DLG2: variants seen among roughly 807,000 people sequenced by gnomAD.
The protein encoded by DLG2 is discs large MAGUK scaffold protein 2.
DLG2 carries 45 observed loss-of-function variants against 132.5 expected under a neutral mutation model. That is an observed-to-expected ratio of 0.34 (90% CI 0.27 to 0.44). DLG2 has a LOEUF of 0.44. Ranked by LOEUF, DLG2 falls within the 20% of genes least tolerant of loss-of-function variation. The probability of loss-of-function intolerance (pLI) is 1.00; values close to 1 mark genes in which losing one functional copy is unlikely to be tolerated. For synonymous variants in DLG2, 424 were observed against 419.6 expected (o/e 1.01, Z -0.13); for missense variants, 1,045 against 1,196.9 (o/e 0.87, Z 1.87).
At chr11:84,562,818 T>C (rs1418503292) in intron 6 of DLG2, among the ~76,000 whole-genome samples, 2 of 151,712 alleles carry the variant, frequency 1.3e-5, no homozygotes, top group Non-Finnish European at 2.9e-5. Flanking sequence ...GGTACGAACA[T>C]GGCTCCCTGC....
At chr11:85,504,123 G>C (rs2093871889) in intron 3 of DLG2, among the ~76,000 whole-genome samples, 1 of 152,204 alleles carries the variant, frequency 6.6e-6, no homozygotes, top group Non-Finnish European at 1.5e-5. Flanking sequence ...CTCTTTGTCA[G>C]ATGGGTAGAT....
chr11:84,387,028 A>C (rs879777159), intron 7 of DLG2, among the ~76,000 whole-genome samples: 3 of 151,874 alleles, frequency 2.0e-5, no homozygotes, highest in Non-Finnish European at 1.5e-5. Context: ...ATTTAAATTG[A>C]TTACTCTCCA....
chr11:84,687,918 A>T (rs1336715569), intron 6 of DLG2, among the ~76,000 whole-genome samples: 1 of 152,188 alleles, frequency 6.6e-6, no homozygotes, highest in Non-Finnish European at 1.5e-5. Context: ...TCAGATGCAA[A>T]TAAAATACCA....
At chr11:84,422,400 T>C (rs1049081947) in intron 7 of DLG2, among the ~76,000 whole-genome samples, 3 of 152,326 alleles carry the variant, frequency 2.0e-5, no homozygotes, top group East Asian at 1.9e-4. Context: ...TAAAATTTAT[T>C]TGATTGTAAG....
intron 6 of DLG2, among the ~76,000 whole-genome samples, chr11:85,091,649 A>G (rs761343059): frequency 1.3e-5 from 2 of 152,218 alleles, no homozygotes; most frequent in Non-Finnish European, 2.9e-5. Context: ...CGTGTCTACA[A>G]TGTTCACATC....
chr11:83,646,602 C>T (rs1304859530), intron 18 of DLG2: 1 of 152,444 alleles, frequency 6.6e-6, no homozygotes, highest in Admixed American at 6.5e-5. Flanking sequence ...AGCACTCAGC[C>T]TCCTCTGGAT....
At chr11:84,741,360 G>A (rs868121217) in intron 6 of DLG2, among the ~76,000 whole-genome samples, 4 of 152,116 alleles carry the variant, frequency 2.6e-5, no homozygotes, top group South Asian at 2.1e-4. Flanking sequence ...GGCCGCCTAT[G>A]CTCTTAATAA....
intron 6 of DLG2, among the ~76,000 whole-genome samples, chr11:84,612,990 A>G (rs1049979631): frequency 6.6e-6 from 1 of 152,190 alleles, no homozygotes; most frequent in Non-Finnish European, 1.5e-5. Flanking sequence ...AATGGGGTAC[A>G]CAGTTGGAAC....
At chr11:84,681,611 T>C (rs574194060) in intron 6 of DLG2, among the ~76,000 whole-genome samples, 1 of 152,024 alleles carries the variant, frequency 6.6e-6, no homozygotes, top group Non-Finnish European at 1.5e-5. Context: ...CAACCATCAG[T>C]TTTACATGCT....
intron 6 of DLG2, among the ~76,000 whole-genome samples, chr11:84,885,851 G>A (rs1317944661): frequency 8.2e-6 from 1 of 122,316 alleles, no homozygotes; most frequent in African/African-American, 3.1e-5. Context: ...GGGGAAAAGT[G>A]TAAAAACTGC....
intron 6 of DLG2, among the ~76,000 whole-genome samples, chr11:84,872,524 C>A (rs2085632435): frequency 6.6e-6 from 1 of 152,168 alleles, no homozygotes; most frequent in Admixed American, 6.5e-5. Flanking sequence ...GTTGTACACA[C>A]AATGCCCTCG....
intron 11 of DLG2, among the ~76,000 whole-genome samples, chr11:84,033,266 G>A: frequency 6.6e-6 from 1 of 152,168 alleles, no homozygotes; most frequent in East Asian, 1.9e-4. Flanking sequence ...TGATTCATGG[G>A]AGGCGGTCAA....
rs57382244 is a variant in DLG2 at position 83,797,219 on chromosome 11, AAAGAAG to A, written c.1723-10433_1723-10428del. ...AATGTGAGAAAGAAGTGATGAAGGA[AAAGAAG>A]AAGAAGAAGAAGAAGAAGAAGATGA... On this transcript the variant is annotated intron_variant, in intron 17 of 27. Coordinates refer to ENST00000376104, the MANE Select transcript of DLG2 (RefSeq NM_001142699.3). 4.8e-3 allele frequency among the ~76,000 whole-genome samples: 729 copies of A among 151,406 alleles called. 8 individuals carry two copies. Among genetic ancestry groups the A allele is most frequent in the African/African-American group, 0.014 (558 of 41,194 alleles).
intron 6 of DLG2, among the ~76,000 whole-genome samples, chr11:84,794,852 C>G (rs556417328): frequency 1.3e-5 from 2 of 152,178 alleles, no homozygotes; most frequent in Non-Finnish European, 2.9e-5. Flanking sequence ...GAAAGGATGC[C>G]GAGGTGGGGC....
intron 4 of DLG2, among the ~76,000 whole-genome samples, chr11:85,271,530 C>T (rs2077530339): frequency 1.3e-5 from 2 of 152,218 alleles, no homozygotes; most frequent in South Asian, 4.1e-4. Flanking sequence ...TTGCACCGTG[C>T]ACCCAGAAAA....
intron 6 of DLG2, among the ~76,000 whole-genome samples, chr11:84,704,600 T>C (rs956148495): frequency 4.0e-5 from 6 of 151,534 alleles, no homozygotes; most frequent in Non-Finnish European, 8.9e-5. Context: ...CTGGCCCTCA[T>C]GGAGTATACA....
chr11:83,744,759 C>T lies in DLG2; in HGVS notation c.1825+41931G>A, dbSNP rs554896100. 2.0e-5 allele frequency among the ~76,000 whole-genome samples: 3 copies of T among 152,298 alleles called. No individual in the cohort carries two copies. In the South Asian group the frequency reaches 6.2e-4, roughly 32 times the overall value. On this transcript the variant is annotated intron_variant, in intron 18 of 27. Transcript: ENST00000376104. ...TTTATGATTCACCACTTCTGGGAGTCTAGGACACCTGCTTGGCACAAGGCT... is the reference window on the plus strand; with the variant it reads ...TTTATGATTCACCACTTCTGGGAGTTTAGGACACCTGCTTGGCACAAGGCT...
In DLG2 at chr11:84,161,773, G is replaced by A. The variant is rs144198660; in HGVS notation, c.624+1688C>T. On this transcript the variant is annotated intron_variant, in intron 9 of 27. Transcript: ENST00000376104. ...AGTCCTGTGTTTAGAAAGGCCCCAC[G>A]TTTTCATGTTGTACTGCACTCCATA... Among the ~76,000 whole-genome samples, 59 of 152,198 alleles carry A rather than the reference G, an allele frequency of 3.9e-4. No individual in the cohort carries two copies. The Middle Eastern group carries it at 0.01, about 26-fold the overall frequency.
chr11:85,024,314 T>G (rs1460491046), intron 6 of DLG2, among the ~76,000 whole-genome samples: 2 of 152,182 alleles, frequency 1.3e-5, no homozygotes, highest in African/African-American at 2.4e-5. Flanking sequence ...ACGCACATTT[T>G]ACTTATTTAA....
Sources: gnomAD v4.1 joint callset for allele counts (sites outside exome capture counted in the v4.1 genomes callset) on GRCh38, gnomAD v4.1.1 for gene constraint, MANE v1.5 for transcripts, NCBI Gene and HGNC (gene_info 2026-07-23, HGNC 2026-07-21) for gene names.